The following FCHSD2 variants were observed in gnomAD, a reference collection of about 807,000 sequenced individuals.
The protein encoded by FCHSD2 is F-BAR and double SH3 domains protein 2.
FCHSD2 carries 38 observed loss-of-function variants against 108.1 expected under a neutral mutation model. The ratio of observed to expected loss-of-function variants is 0.35; its 90% CI spans 0.27 to 0.46. The LOEUF (loss-of-function observed/expected upper bound fraction) is 0.46, where lower values mean the gene tolerates loss of function less well. Among genes scored for constraint, FCHSD2 ranks in the 20% least tolerant of loss-of-function variants. The pLI is 1.00. For synonymous variants in FCHSD2, 279 were observed against 314.7 expected, an observed-to-expected ratio of 0.89 and a Z score of 1.20; for missense variants, 751 against 897.8, an observed-to-expected ratio of 0.84 and a Z score of 2.09.
At chr11:72,927,838 T>C (rs955454720) in intron 8 of FCHSD2, among the ~76,000 whole-genome samples, 13 of 152,310 alleles carry the variant, frequency 8.5e-5, no homozygotes, top group Admixed American at 2.6e-4. Flanking sequence ...ACTGTTACTG[T>C]AGATGGATCA....
At chr11:72,862,609 G>A (rs1854624516) in intron 13 of FCHSD2, among the ~76,000 whole-genome samples, 1 of 152,210 alleles carries the variant, frequency 6.6e-6, no homozygotes, top group Admixed American at 6.5e-5. Context: ...AGTATATTAT[G>A]TTCATGGATT....
intron 2 of FCHSD2, among the ~76,000 whole-genome samples, chr11:73,110,022 T>C (rs1860444167): frequency 6.6e-6 from 1 of 152,228 alleles, no homozygotes; most frequent in Admixed American, 6.5e-5. Flanking sequence ...CATCCTTGCA[T>C]CCCTGGGATA....
chr11:73,023,911 A>G (rs556183871), intron 3 of FCHSD2, among the ~76,000 whole-genome samples: 1 of 152,344 alleles, frequency 6.6e-6, no homozygotes, highest in South Asian at 2.1e-4. Flanking sequence ...TAAAAAGGTT[A>G]CACACTGTAT....
chr11:73,141,530 C>T (rs1261068438), intron 1 of FCHSD2, among the ~76,000 whole-genome samples: 3 of 152,258 alleles, frequency 2.0e-5, no homozygotes, highest in African/African-American at 7.2e-5. Context: ...GGCGTCCCCG[C>T]CTCCCCCTCG....
intron 13 of FCHSD2, among the ~76,000 whole-genome samples, chr11:72,850,107 C>G (rs530729838): frequency 6.8e-6 from 1 of 146,112 alleles, no homozygotes; most frequent in Non-Finnish European, 1.5e-5. Flanking sequence ...CTTGTCACCC[C>G]GGCTGGACTG....
chr11:72,984,152 G>C lies in FCHSD2; in HGVS notation c.641C>G (p.Thr214Ser). 3.1e-6 allele frequency: 5 copies of C among 1,613,282 alleles called. 1 individual carries two copies. Among genetic ancestry groups the C allele is most frequent in the Non-Finnish European group, 4.2e-6 (5 of 1,179,258 alleles). Residue 214 changes from threonine (T) to serine (S), a missense_variant, in exon 8 of 20, where the codon ACC (threonine) becomes AGC (serine). Thr to Ser is a moderately conservative substitution (Grantham distance 58). Transcript: ENST00000409418. ...ATHARNDYLL[T>S]LAAANAHQDR... ...CTGATGTGCATTTGCTGCCGCTAGG[G>C]TAAGAAGATAATCATTCCTTGCGTG...
intron 3 of FCHSD2, among the ~76,000 whole-genome samples, chr11:73,044,442 T>C (rs889797166): frequency 6.6e-6 from 1 of 152,066 alleles, no homozygotes; most frequent in African/African-American, 2.4e-5. Flanking sequence ...TAGATGGGCA[T>C]GGTGGCACAC....
intron 4 of FCHSD2, among the ~76,000 whole-genome samples, chr11:73,006,663 A>T (rs1011341084): frequency 6.6e-6 from 1 of 152,158 alleles, no homozygotes; most frequent in African/African-American, 2.4e-5. Context: ...CTGCGCAATC[A>T]CTTCTTGGCC....
At chr11:72,902,059 G>C (rs1249228835) in intron 10 of FCHSD2, among the ~76,000 whole-genome samples, 2 of 151,976 alleles carry the variant, frequency 1.3e-5, no homozygotes, top group South Asian at 2.1e-4. Flanking sequence ...ATTTTTAGTA[G>C]AGACAGGGTT....
chr11:72,918,019 C>A (rs1420316508), intron 9 of FCHSD2, among the ~76,000 whole-genome samples: 2 of 152,122 alleles, frequency 1.3e-5, no homozygotes, highest in African/African-American at 4.8e-5. Context: ...AACATGAAAT[C>A]TCCCAATCCA....
intron 3 of FCHSD2, among the ~76,000 whole-genome samples, chr11:73,031,488 C>CAG (rs1027318585): frequency 6.6e-6 from 1 of 151,836 alleles, no homozygotes; most frequent in Admixed American, 6.6e-5. Context: ...AAAAGAGAGA[C>CAG]AGAGAGAGAA....
chr11:73,040,219 A>T (rs1288145855), intron 3 of FCHSD2, among the ~76,000 whole-genome samples: 1 of 152,204 alleles, frequency 6.6e-6, no homozygotes, highest in African/African-American at 2.4e-5. Flanking sequence ...CCCAAAGACG[A>T]TTATGCAAAT....
intron 8 of FCHSD2, among the ~76,000 whole-genome samples, chr11:72,945,540 T>C (rs1020154178): frequency 3.9e-5 from 6 of 152,084 alleles, no homozygotes; most frequent in Admixed American, 1.3e-4. Context: ...AAAGCCAAAA[T>C]TGACAAATGG....
intron 3 of FCHSD2, among the ~76,000 whole-genome samples, chr11:73,057,419 A>G (rs1282426246): frequency 1.6e-4 from 24 of 152,192 alleles, no homozygotes. Flanking sequence ...TACTGTGGTA[A>G]TTATGGGGGT....
intron 8 of FCHSD2, among the ~76,000 whole-genome samples, chr11:72,965,832 T>C (rs1298814909): frequency 6.6e-6 from 1 of 152,232 alleles, no homozygotes; most frequent in Non-Finnish European, 1.5e-5. Context: ...AAGATTCTGT[T>C]GCTCTACCTC....
chr11:73,136,379 G>T (rs1279130096), intron 2 of FCHSD2, among the ~76,000 whole-genome samples: 1 of 151,928 alleles, frequency 6.6e-6, no homozygotes, highest in African/African-American at 2.4e-5. Context: ...GAGTAACATG[G>T]TAAGACCCCA....
chr11:73,083,138 A>G (rs1214383039), intron 3 of FCHSD2, among the ~76,000 whole-genome samples: 1 of 152,240 alleles, frequency 6.6e-6, no homozygotes, highest in African/African-American at 2.4e-5. Context: ...TGTAAAAAGT[A>G]TTATTATTCA....
intron 8 of FCHSD2, among the ~76,000 whole-genome samples, chr11:72,975,752 C>A (rs1025693260): frequency 6.6e-6 from 1 of 152,170 alleles, no homozygotes; most frequent in Non-Finnish European, 1.5e-5. Context: ...TTCTGCCATA[C>A]AGAAAGATGT....
At chr11:72,873,514 T>C (rs60656498) in intron 12 of FCHSD2, among the ~76,000 whole-genome samples, 1 of 152,284 alleles carries the variant, frequency 6.6e-6, no homozygotes, top group African/African-American at 2.4e-5. Flanking sequence ...GCAAATATTT[T>C]CCCCCATTCT....
Sources: gnomAD v4.1 joint callset for allele counts (sites outside exome capture counted in the v4.1 genomes callset) on GRCh38, gnomAD v4.1.1 for gene constraint, MANE v1.5 for transcripts, NCBI Gene and HGNC (gene_info 2026-07-23, HGNC 2026-07-21) for gene names.